The following RELN variants were observed in gnomAD, a reference collection of about 807,000 sequenced individuals.
The protein encoded by RELN is reelin.
A neutral mutation model predicts 427.6 loss-of-function variants in RELN; 108 were observed. The ratio of observed to expected loss-of-function variants is 0.25; its 90% CI spans 0.22 to 0.30. The LOEUF (loss-of-function observed/expected upper bound fraction) is 0.30. RELN is among the 10% of genes least tolerant of loss of function. The pLI is 1.00. For synonymous variants in RELN, 1,524 were observed against 1,513.4 expected (o/e 1.01, Z -0.16); for missense variants, 3,715 against 4,302.8 (o/e 0.86, Z 3.82).
At chr7:103,494,957 A>G (rs1480768503) in intron 57 of RELN, among the ~76,000 whole-genome samples, 1 of 152,108 alleles carries the variant, frequency 6.6e-6, no homozygotes, top group Non-Finnish European at 1.5e-5. Flanking sequence ...GGGGAGAGAC[A>G]GCGGAAGGGA....
At position 103,490,760 on chromosome 7, in the gene RELN, A is replaced by G; in HGVS notation, c.9513T>C (p.Pro3171=). The G allele has an allele frequency of 3.1e-6, 5 of 1,614,212 alleles. No homozygotes were observed. The highest frequency in any genetic ancestry group is 4.2e-6 in the Non-Finnish European group (5 of 1,180,030). Residue 3171 remains proline (P), a synonymous_variant, in exon 59 of 65, where the codon CCT becomes CCC. Coordinates refer to ENST00000428762, the MANE Select transcript of RELN (RefSeq NM_005045.4). ...PSSSNSIGCS[P]FQFHEATIYN... ...AGATGGTGGCTTCATGGAACTGGAA[A>G]GGGGAGCAGCCAATGCTGTTAGAAG... is the stretch of plus-strand genomic sequence containing the variant.
chr7:103,970,364 G>C (rs1226569409), intron 1 of RELN, among the ~76,000 whole-genome samples: 1 of 151,980 alleles, frequency 6.6e-6, no homozygotes, highest in African/African-American at 2.4e-5. Flanking sequence ...GGCTGGTCTC[G>C]AACTCCTGAC....
In RELN at chr7:103,688,302, T is replaced by C. The variant is rs537300065; in HGVS notation, c.1144-6041A>G. 5.7e-4 allele frequency among the ~76,000 whole-genome samples: 86 copies of C among 152,106 alleles called. 1 individual carries two copies. Among genetic ancestry groups the C allele is most frequent in the South Asian group, 1.0e-3 (5 of 4,824 alleles). On this transcript the variant is annotated intron_variant, in intron 10 of 64. Transcript: ENST00000428762. ...CACTCAAATCCCTCAAGTTACACAC[T>C]AGATAGTTTCCAGTAAAGTGATAAT...
chr7:103,493,577 T>G (rs543210878), intron 57 of RELN, among the ~76,000 whole-genome samples: 5 of 152,246 alleles, frequency 3.3e-5, no homozygotes, highest in African/African-American at 1.2e-4. Context: ...GCTAGATGAT[T>G]GGATACAATT....
chr7:103,700,382 A>G (rs1040268996), intron 9 of RELN, among the ~76,000 whole-genome samples: 1 of 152,170 alleles, frequency 6.6e-6, no homozygotes, highest in Non-Finnish European at 1.5e-5. Flanking sequence ...TTTTTTAATA[A>G]AGAAAATGTA....
intron 2 of RELN, among the ~76,000 whole-genome samples, chr7:103,860,567 A>C (rs1794049020): frequency 6.6e-6 from 1 of 152,126 alleles, no homozygotes; most frequent in East Asian, 1.9e-4. Context: ...TCCTCACTGC[A>C]ACTCTGTGAA....
chr7:103,677,159 A>T (rs983970303), intron 11 of RELN, among the ~76,000 whole-genome samples: 149 of 151,970 alleles, frequency 9.8e-4, no homozygotes, highest in African/African-American at 3.4e-3. Flanking sequence ...AACTATCACA[A>T]GATCAGAAAA....
Position 103,565,531 on chromosome 7 carries a change from T to C in RELN, c.4957A>G (p.Thr1653Ala). Reference sequence around the variant, plus strand: ...GATGCTGACACATGAAAATCCCAGGTCTCAGCATAACGAGGTTTTCCTGAA... The same window carrying C: ...GATGCTGACACATGAAAATCCCAGGCCTCAGCATAACGAGGTTTTCCTGAA... Reference protein sequence around the residue: ...ENIGKPRYAETWDFHVSASTF... With the variant: ...ENIGKPRYAEAWDFHVSASTF... The change falls in exon 34 of 65, where the codon ACC (threonine) becomes GCC (alanine). Residue 1653 changes from threonine to alanine, a missense_variant. Transcript: ENST00000428762. 1 of 1,612,368 alleles carries C rather than the reference T, an allele frequency of 6.2e-7. No individual in the cohort carries two copies. Among genetic ancestry groups the C allele is most frequent in the African/African-American group, 1.3e-5 (1 of 74,370 alleles).
intron 1 of RELN, among the ~76,000 whole-genome samples, chr7:103,983,443 G>A (rs762804338): frequency 7.9e-5 from 12 of 152,160 alleles, no homozygotes; most frequent in African/African-American, 1.4e-4. Context: ...CATTTCATGC[G>A]GAATGTCCTA....
At chr7:103,858,908 T>C (rs1390506119) in intron 2 of RELN, among the ~76,000 whole-genome samples, 1 of 152,168 alleles carries the variant, frequency 6.6e-6, no homozygotes, top group Non-Finnish European at 1.5e-5. Flanking sequence ...AAAACTCCTG[T>C]ACATTTTACT....
intron 4 of RELN, among the ~76,000 whole-genome samples, chr7:103,773,099 CTTTTCTTT>C (rs981749374): frequency 7.9e-6 from 1 of 127,182 alleles, no homozygotes; most frequent in African/African-American, 2.9e-5. Flanking sequence ...TGGTTCTCCT[CTTTTCTTT>C]CTTTCTTTCT....
At chr7:103,942,654 C>A (rs886298877) in intron 1 of RELN, among the ~76,000 whole-genome samples, 10 of 152,148 alleles carry the variant, frequency 6.6e-5, no homozygotes, top group Non-Finnish European at 1.3e-4. Context: ...TGGCTCATGC[C>A]TGTAATCCCA....
chr7:103,841,613 C>T (rs967976719), intron 2 of RELN, among the ~76,000 whole-genome samples: 4 of 152,108 alleles, frequency 2.6e-5, no homozygotes, highest in African/African-American at 9.7e-5. Context: ...CTTGTGTGAA[C>T]CCCGTTTTCC....
chr7:103,720,171 CA>C (rs1187580920), intron 8 of RELN, among the ~76,000 whole-genome samples: 8 of 143,674 alleles, frequency 5.6e-5, no homozygotes, highest in African/African-American at 2.1e-4. Context: ...ATTGTATAAA[CA>C]TTGTGTGTGT....
chr7:103,731,162 A>G (rs1790343840), intron 6 of RELN, among the ~76,000 whole-genome samples: 1 of 152,160 alleles, frequency 6.6e-6, no homozygotes, highest in Admixed American at 6.6e-5. Flanking sequence ...TACCTAATGC[A>G]GAGACTGGGG....
chr7:103,607,658 A>G (rs1054082536), intron 22 of RELN, among the ~76,000 whole-genome samples: 2 of 152,198 alleles, frequency 1.3e-5, no homozygotes, highest in African/African-American at 4.8e-5. Context: ...TTTCCTTCCC[A>G]TATAACTTGA....
At chr7:103,485,788 T>C (rs1828417815) in intron 61 of RELN, among the ~76,000 whole-genome samples, 1 of 152,202 alleles carries the variant, frequency 6.6e-6, no homozygotes. Context: ...TTTCTATTTA[T>C]TGTACTTACA....
At chr7:103,624,766 T>C (rs1122672) in intron 20 of RELN, among the ~76,000 whole-genome samples, 16,784 of 152,128 alleles carry the variant, frequency 0.11, 1,014 homozygotes, top group South Asian at 0.18. Flanking sequence ...ACTTTTTTCA[T>C]GTTGCTCTTT....
chr7:103,652,736 G>T lies in RELN; in HGVS notation c.1578C>A (p.Val526=). 2 of 1,612,686 alleles carry T rather than the reference G, an allele frequency of 1.2e-6. No homozygotes were observed. Among genetic ancestry groups the T allele is most frequent in the South Asian group, 2.2e-5 (2 of 91,024 alleles). ...CAGGAGTCTGAAGTTCAGGATTGAT[G>T]ACCACAGAAACCAAAGACGGAACCT... is the stretch of plus-strand genomic sequence containing the variant. The part of the protein sequence containing the change: ...SYKVPSLVSV[V]INPELQTPAT... The change falls in exon 14 of 65, where the codon GTC becomes GTA. Residue 526 remains valine, a synonymous_variant. Coordinates refer to ENST00000428762, the MANE Select transcript of RELN (RefSeq NM_005045.4).
Sources: gnomAD v4.1 joint callset for allele counts (sites outside exome capture counted in the v4.1 genomes callset) on GRCh38, gnomAD v4.1.1 for gene constraint, MANE v1.5 for transcripts, NCBI Gene and HGNC (gene_info 2026-07-23, HGNC 2026-07-21) for gene names.